The following DRC11 variants were observed in gnomAD, a reference collection of about 807,000 sequenced individuals.
DRC11 encodes dynein regulatory complex subunit 11.
At chr2:236,493,220 G>A in the DRC11 span, among the ~76,000 whole-genome samples, 80 of 152,180 alleles carry the variant, frequency 5.3e-4, 2 homozygotes, top group African/African-American at 1.3e-3. Context: ...TCACAAGAAC[G>A]GCACAGGAAA....
chr2:236,319,355 C>T, the DRC11 span, among the ~76,000 whole-genome samples: 2 of 152,258 alleles, frequency 1.3e-5, no homozygotes, highest in East Asian at 3.8e-4. The surrounding 1 kb of genome is among the most constrained non-coding windows in gnomAD (Gnocchi z 6.7). Context: ...ACGCTGTGTG[C>T]TGAGCTGGGA....
chr2:236,494,686 C>T, the DRC11 span, among the ~76,000 whole-genome samples: 8 of 152,214 alleles, frequency 5.3e-5, no homozygotes, highest in African/African-American at 1.9e-4. This position sits in a 1 kb window ranked among gnomAD's most constrained non-coding sequence, Gnocchi z 4.2. Flanking sequence ...CTCCCCATAA[C>T]CTCCCTCCAG....
the DRC11 span, among the ~76,000 whole-genome samples, chr2:236,325,976 T>G: frequency 1.3e-5 from 2 of 152,228 alleles, no homozygotes; most frequent in African/African-American, 4.8e-5. The surrounding 1 kb of genome is among the most constrained non-coding windows in gnomAD (Gnocchi z 4.4). Flanking sequence ...ATTAGGCAGA[T>G]AGTTGTTTTT....
At chr2:236,357,929 CAT>C in the DRC11 span, among the ~76,000 whole-genome samples, 1 of 81,250 alleles carries the variant, frequency 1.2e-5, no homozygotes, top group Non-Finnish European at 2.5e-5. Context: ...TATATAAATT[CAT>C]ATATGAATAT....
chr2:236,393,723 A>G, the DRC11 span, among the ~76,000 whole-genome samples: 1 of 152,164 alleles, frequency 6.6e-6, no homozygotes, highest in Non-Finnish European at 1.5e-5. This position sits in a 1 kb window ranked among gnomAD's most constrained non-coding sequence, Gnocchi z 4.7. Context: ...GAGGTGGGGA[A>G]AGCCTGGGGA....
chr2:236,455,386 T>C, the DRC11 span, among the ~76,000 whole-genome samples: 1 of 152,204 alleles, frequency 6.6e-6, no homozygotes, highest in Non-Finnish European at 1.5e-5. The surrounding 1 kb of genome is among the most constrained non-coding windows in gnomAD (Gnocchi z 5.7). Context: ...TGCCCTTGCC[T>C]GGCAGGAGCA....
At chr2:236,498,205 C>T in the DRC11 span, among the ~76,000 whole-genome samples, 2 of 151,496 alleles carry the variant, frequency 1.3e-5, no homozygotes, top group African/African-American at 2.4e-5. Context: ...TGGTGGCTCT[C>T]GCCTGTAATC....
At chr2:236,445,082 C>T in the DRC11 span, among the ~76,000 whole-genome samples, 1 of 152,202 alleles carries the variant, frequency 6.6e-6, no homozygotes, top group African/African-American at 2.4e-5. This position sits in a 1 kb window ranked among gnomAD's most constrained non-coding sequence, Gnocchi z 4.8. Flanking sequence ...TTTCTTCAGT[C>T]CCACTCACGT....
chr2:236,357,377 T>G, the DRC11 span, among the ~76,000 whole-genome samples: 5 of 105,042 alleles, frequency 4.8e-5, no homozygotes, highest in Admixed American at 5.0e-4. Context: ...AATATATTTA[T>G]ATAGTATAGA....
chr2:236,368,024 T>G, the DRC11 span: 1 of 650,238 alleles, frequency 1.5e-6, no homozygotes, highest in Non-Finnish European at 2.8e-6. Flanking sequence ...GGTAGTACTT[T>G]GTGTGCTGGT....
the DRC11 span, among the ~76,000 whole-genome samples, chr2:236,383,124 C>T: frequency 1.3e-5 from 2 of 152,130 alleles, no homozygotes; most frequent in Non-Finnish European, 2.9e-5. Context: ...GATCTAACGT[C>T]TTTATTTGTT....
At chr2:236,404,505 A>T in the DRC11 span, among the ~76,000 whole-genome samples, 221 of 152,238 alleles carry the variant, frequency 1.5e-3, 1 homozygote, top group Non-Finnish European at 2.7e-3. Flanking sequence ...CCTCCTGGCC[A>T]TCTTCTGTGG....
chr2:236,473,558 ACT>A, the DRC11 span, among the ~76,000 whole-genome samples: 1 of 152,192 alleles, frequency 6.6e-6, no homozygotes, highest in Non-Finnish European at 1.5e-5. The surrounding 1 kb of genome is among the most constrained non-coding windows in gnomAD (Gnocchi z 4.8). Context: ...TAATGCAAAC[ACT>A]GATAGCTTCA....
At chr2:236,404,161 TAAA>T in the DRC11 span, among the ~76,000 whole-genome samples, 880 of 91,534 alleles carry the variant, frequency 9.6e-3, 9 homozygotes, top group African/African-American at 0.032. Flanking sequence ...AATGGAGAGT[TAAA>T]AAAAAAAAAA....
chr2:236,410,723 G>A, the DRC11 span, among the ~76,000 whole-genome samples: 11 of 150,968 alleles, frequency 7.3e-5, no homozygotes, highest in Non-Finnish European at 1.5e-4. Context: ...ACAGAACAGA[G>A]CCCTCAGAAA....
the DRC11 span, among the ~76,000 whole-genome samples, chr2:236,416,854 G>A: frequency 6.7e-6 from 1 of 148,994 alleles, no homozygotes; most frequent in African/African-American, 2.5e-5. Flanking sequence ...TCCGCCTCCT[G>A]GGTTCAAGCA....
the DRC11 span, among the ~76,000 whole-genome samples, chr2:236,373,337 C>A: frequency 6.6e-6 from 1 of 151,492 alleles, no homozygotes; most frequent in African/African-American, 2.4e-5. Flanking sequence ...GCTCACGCAA[C>A]CTCCCTGGCT....
chr2:236,444,629 C>T, the DRC11 span, among the ~76,000 whole-genome samples: 13 of 152,292 alleles, frequency 8.5e-5, no homozygotes, highest in South Asian at 4.1e-4. Flanking sequence ...CATCCACTTC[C>T]GGATACTTTC....
At chr2:236,308,882 A>G in the DRC11 span, among the ~76,000 whole-genome samples, 1 of 152,202 alleles carries the variant, frequency 6.6e-6, no homozygotes, top group African/African-American at 2.4e-5. The surrounding 1 kb of genome is among the most constrained non-coding windows in gnomAD (Gnocchi z 6.0). Context: ...CAACAGTTAA[A>G]ATAAAACTTA....
Sources: gnomAD v4.1 joint callset for allele counts (sites outside exome capture counted in the v4.1 genomes callset) on GRCh38, gnomAD v4.1.1 for gene constraint, Gnocchi (gnomAD v3.1) non-coding constraint, MANE v1.5 for transcripts, NCBI Gene and HGNC (gene_info 2026-07-23, HGNC 2026-07-21) for gene names.